Variants in PPIC observed in about 807,000 individuals in gnomAD.
PPIC encodes the protein peptidyl-prolyl cis-trans isomerase C.
A neutral mutation model predicts 19.5 loss-of-function variants in PPIC; 19 were observed. The observed-to-expected ratio is 0.98, with a 90% CI of 0.68 to 1.43. PPIC has a LOEUF of 1.43. Among genes scored for constraint, PPIC ranks in the 40% most tolerant of loss-of-function variants. The pLI is 0.00. For missense variants in PPIC, 268 were observed against 268.6 expected (o/e 1.00, Z 0.02); for synonymous variants, 107 against 101.2 (o/e 1.06, Z -0.34).
At position 123,028,904 on chromosome 5, in the gene PPIC, G is replaced by A. The variant is rs545111595; in HGVS notation, c.232-36C>T. The A allele has an allele frequency of 6.0e-6, 9 of 1,490,898 alleles. No individual in the cohort carries two copies. The East Asian group carries it at 2.0e-4, about 34-fold the overall frequency. The allele number at this position is 1,490,898 out of a possible 1,614,324, so 92.4% of individuals were successfully genotyped here. A position where few individuals can be genotyped will look rare whatever the true frequency, so the allele number is the denominator to read the frequency against. ...TACTTCAGTTGAATAACAAGTAACA[G>A]AGGCCATACTGAAAGATAAACTCAG... is the stretch of plus-strand genomic sequence containing the variant. On this transcript the variant is annotated intron_variant, in intron 2 of 4. Coordinates refer to ENST00000306442, the MANE Select transcript of PPIC (RefSeq NM_000943.5).
chr5:123,025,515 T>C (rs1394475724), intron 4 of PPIC, among the ~76,000 whole-genome samples: 3 of 152,192 alleles, frequency 2.0e-5, no homozygotes, highest in South Asian at 2.1e-4. Flanking sequence ...CTGGTATATA[T>C]TGGTTCCATT....
intron 3 of PPIC, among the ~76,000 whole-genome samples, chr5:123,027,906 A>G (rs906962845): frequency 2.6e-5 from 4 of 152,234 alleles, no homozygotes; most frequent in Non-Finnish European, 4.4e-5. Flanking sequence ...CTGGATAGCT[A>G]TAATCCTGAA....
Position 123,024,762 on chromosome 5 carries a change from A to C in PPIC, c.511-759T>G, listed in dbSNP as rs181301083. The stretch of plus-strand genomic sequence containing the variant: ...GAACTGCAGCGAGCAAGACTGGTTT[A>C]TTTACATTTGGATGAGGGAGGTAGA... On this transcript the variant is annotated intron_variant, in intron 4 of 4. Coordinates refer to ENST00000306442, the MANE Select transcript of PPIC (RefSeq NM_000943.5). Among the ~76,000 whole-genome samples the C allele has an allele frequency of 2.6e-5, 4 of 152,342 alleles. No homozygotes were observed. In the East Asian group the frequency reaches 7.7e-4, roughly 29 times the overall value.
At chr5:123,028,627 T>A in intron 3 of PPIC, 148 bp downstream of exon 3, 1 of 589,044 alleles carries the variant, frequency 1.7e-6, no homozygotes, top group Non-Finnish European at 3.0e-6. Flanking sequence ...GCTAGATGAG[T>A]CCCCAAAACT....
Position 123,029,363 on chromosome 5 carries a change from A to C in PPIC, c.173T>G (p.Leu58Arg), listed in dbSNP as rs752847816. Residue 58 changes from leucine to arginine, a missense_variant, in exon 2 of 5, where the codon CTC (leucine) becomes CGC (arginine). Leu to Arg is a moderately radical substitution (Grantham distance 102). Coordinates refer to ENST00000306442, the MANE Select transcript of PPIC (RefSeq NM_000943.5). ...TGTCTTGGGCACAACTTTTCCAAAG[A>C]GGCCAATCACAATTCTGCCAACATC... ...DKDVGRIVIG[L>R]FGKVVPKTVE... is the part of the protein sequence containing the mutation. The C allele has an allele frequency of 1.2e-6, 2 of 1,611,808 alleles. No homozygotes were observed. Among genetic ancestry groups the C allele is most frequent in the South Asian group, 2.2e-5 (2 of 90,540 alleles).
chr5:123,036,385 T>A lies in PPIC; in HGVS notation c.117+124A>T. The stretch of plus-strand genomic sequence containing the variant: ...CCTCCCACCCAGTCCCGCGGCCGCC[T>A]CCAGTCCCCCTGCGCCCGGGAAGCC... On this transcript the variant is annotated intron_variant, in intron 1 of 4. Coordinates refer to ENST00000306442, the MANE Select transcript of PPIC (RefSeq NM_000943.5). This position sits in a 1 kb window ranked among gnomAD's most constrained non-coding sequence, Gnocchi z 4.5. 2 of 839,360 alleles carry A rather than the reference T, an allele frequency of 2.4e-6. No individual in the cohort carries two copies. The highest frequency in any genetic ancestry group is 3.8e-6 in the Non-Finnish European group (2 of 533,332). The allele number at this position is 839,360 out of a possible 1,614,324, so 52.0% of individuals were successfully genotyped here.
chr5:123,035,138 T>A lies in PPIC; in HGVS notation c.117+1371A>T, dbSNP rs145398418. On this transcript the variant is annotated intron_variant, in intron 1 of 4. Coordinates refer to ENST00000306442, the MANE Select transcript of PPIC (RefSeq NM_000943.5). The stretch of plus-strand genomic sequence containing the variant: ...GCCATTCCGTCCTCTCCACATCCTC[T>A]GAATGCAGGGAGGGCTTTCCTGTTT... Among the ~76,000 whole-genome samples, 1,163 of 152,328 alleles carry A rather than the reference T, an allele frequency of 7.6e-3. 78 individuals are homozygous for A. Among genetic ancestry groups the A allele is most frequent in the Admixed American group, 0.07 (1,077 of 15,302 alleles).
chr5:123,036,562 A>C lies in PPIC; in HGVS notation c.64T>G (p.Phe22Val). 1 of 1,603,432 alleles carries C rather than the reference A, an allele frequency of 6.2e-7. No individual in the cohort carries two copies. The highest frequency in any genetic ancestry group is 1.1e-5 in the South Asian group (1 of 89,252). Reference protein sequence around the residue: ...VLCVGLGALVFSSGAEGFRKR... With the variant: ...VLCVGLGALVVSSGAEGFRKR... ...CGGAAGCCCTCGGCCCCCGAAGAAAACACAAGTGCGCCGAGCCCCACGCAA... is the reference window on the plus strand; with the variant it reads ...CGGAAGCCCTCGGCCCCCGAAGAAACCACAAGTGCGCCGAGCCCCACGCAA... The change falls in exon 1 of 5, where the codon TTT becomes GTT. Residue 22 changes from phenylalanine (F) to valine (V), a missense_variant. Coordinates refer to ENST00000306442, the MANE Select transcript of PPIC (RefSeq NM_000943.5). The surrounding 1 kb of genome is among the most constrained non-coding windows in gnomAD (Gnocchi z 4.5).
chr5:123,026,166 T>G (rs1762849972), intron 3 of PPIC, among the ~76,000 whole-genome samples, 198 bp from the exon 4 acceptor site: 1 of 152,090 alleles, frequency 6.6e-6, no homozygotes, highest in Non-Finnish European at 1.5e-5. Context: ...GGGCCTAAAA[T>G]GAACAAAGAA....
Position 123,023,947 on chromosome 5 carries a change from G to A in PPIC, c.567C>T (p.Thr189=). 1 of 1,614,094 alleles carries A rather than the reference G, an allele frequency of 6.2e-7. No individual in the cohort carries two copies. ...QATDGHDRPL[T]NCSIINSGKI... is the part of the protein sequence containing the mutation. ...TGCCACTGTTGATGATCGAGCAGTT[G>A]GTGAGTGGACGGTCATGCCCATCAG... Residue 189 remains threonine (T), a synonymous_variant, in exon 5 of 5, where the codon ACC becomes ACT. Coordinates refer to ENST00000306442, the MANE Select transcript of PPIC (RefSeq NM_000943.5).
intron 1 of PPIC, among the ~76,000 whole-genome samples, chr5:123,030,516 A>T (rs1762927911): frequency 6.6e-6 from 1 of 152,268 alleles, no homozygotes; most frequent in African/African-American, 2.4e-5. Context: ...AAGACTGTCA[A>T]GCTTCAGTTC....
At chr5:123,024,708 T>C (rs17388251) in intron 4 of PPIC, among the ~76,000 whole-genome samples, 42,269 of 152,136 alleles carry the variant, frequency 0.28, 7,011 homozygotes, top group Non-Finnish European at 0.38. Context: ...TTGTGTTAGA[T>C]AGAATCAGAA....
At chr5:123,034,067 C>T (rs1762973236) in intron 1 of PPIC, among the ~76,000 whole-genome samples, 1 of 152,234 alleles carries the variant, frequency 6.6e-6, no homozygotes, top group Non-Finnish European at 1.5e-5. Context: ...TAGCACCTCA[C>T]ACCTCTCTTA....
At chr5:123,025,352 T>G (rs1033407290) in intron 4 of PPIC, among the ~76,000 whole-genome samples, 3 of 152,234 alleles carry the variant, frequency 2.0e-5, no homozygotes, top group African/African-American at 7.2e-5. Context: ...ACTTTCTGTT[T>G]CTATCAATGT....
chr5:123,024,771 T>C (rs1581871651), intron 4 of PPIC, among the ~76,000 whole-genome samples: 1 of 152,146 alleles, frequency 6.6e-6, no homozygotes, highest in Non-Finnish European at 1.5e-5. Context: ...TATTTACATT[T>C]GGATGAGGGA....
intron 2 of PPIC, 101 bp downstream of exon 2, chr5:123,029,204 A>C (rs773743365): frequency 1.3e-6 from 2 of 1,591,246 alleles, no homozygotes; most frequent in Non-Finnish European, 8.6e-7. Flanking sequence ...GGTAAGGTTC[A>C]TCTGACATAC....
chr5:123,035,497 C>T (rs2150191250), intron 1 of PPIC, among the ~76,000 whole-genome samples: 1 of 152,246 alleles, frequency 6.6e-6, no homozygotes, highest in East Asian at 1.9e-4. Context: ...TGAGCTGGAC[C>T]TCCTCCTCCC....
At chr5:123,029,939 C>G (rs1762921444) in intron 1 of PPIC, among the ~76,000 whole-genome samples, 1 of 152,224 alleles carries the variant, frequency 6.6e-6, no homozygotes, top group Non-Finnish European at 1.5e-5. Context: ...CAATAGATGT[C>G]TGCCATCCAG....
chr5:123,025,697 A>C, intron 4 of PPIC, 87 bp downstream of exon 4: 1 of 1,362,910 alleles, frequency 7.3e-7, no homozygotes, highest in East Asian at 2.5e-5. Flanking sequence ...GATCTCTAAC[A>C]AGCATATTTT....
Sources: gnomAD v4.1 joint callset for allele counts (sites outside exome capture counted in the v4.1 genomes callset) on GRCh38, gnomAD v4.1.1 for gene constraint, Gnocchi (gnomAD v3.1) non-coding constraint, MANE v1.5 for transcripts, NCBI Gene and HGNC (gene_info 2026-07-23, HGNC 2026-07-21) for gene names.